Variants in ATP2C2 observed in about 807,000 individuals in gnomAD.
ATP2C2 encodes the protein ATPase secretory pathway Ca2+ transporting 2.
In ATP2C2, 171 loss-of-function variants were observed where a neutral mutation model predicts 110.8. The ratio of observed to expected loss-of-function variants is 1.54; its 90% CI spans 1.36 to 1.75. The LOEUF (loss-of-function observed/expected upper bound fraction) is 1.75. ATP2C2 is among the 40% of genes most tolerant of loss of function. The pLI is 0.00. For missense variants in ATP2C2, 1,963 were observed against 1,235.0 expected (o/e 1.59, Z -8.84); for synonymous variants, 804 against 508.4 (o/e 1.58, Z -7.82).
intron 21 of ATP2C2, among the ~76,000 whole-genome samples, chr16:84,455,563 C>A (rs1020032370): frequency 9.3e-6 from 1 of 107,550 alleles, no homozygotes; most frequent in Admixed American, 1.2e-4. Context: ...ATACATTTAC[C>A]TTCCTAATTT....
At chr16:84,378,772 C>G (rs1168630125) in intron 1 of ATP2C2, among the ~76,000 whole-genome samples, 2 of 152,192 alleles carry the variant, frequency 1.3e-5, no homozygotes, top group Non-Finnish European at 2.9e-5. Context: ...CTAAGAATCT[C>G]AAGAAGGCGG....
intron 20 of ATP2C2, 27 bp from the exon 21 acceptor site, chr16:84,454,791 G>A: frequency 6.4e-7 from 1 of 1,557,602 alleles, no homozygotes; most frequent in South Asian, 1.2e-5. Flanking sequence ...TCAGGCTGCA[G>A]GCCTTCATTG....
intron 1 of ATP2C2, among the ~76,000 whole-genome samples, chr16:84,392,212 C>A (rs1209838363): frequency 3.3e-5 from 5 of 152,076 alleles, no homozygotes; most frequent in African/African-American, 2.4e-5. Context: ...CTCAGGCTTC[C>A]TAGCATTTCA....
chr16:84,421,157 T>G (rs17741623), intron 7 of ATP2C2, among the ~76,000 whole-genome samples: 7 of 152,094 alleles, frequency 4.6e-5, no homozygotes, highest in African/African-American at 1.7e-4. Flanking sequence ...GAATGTTCTT[T>G]GAGCCTCCTT....
chr16:84,391,947 T>C (rs933263801), intron 1 of ATP2C2, among the ~76,000 whole-genome samples: 1 of 152,100 alleles, frequency 6.6e-6, no homozygotes, highest in African/African-American at 2.4e-5. Flanking sequence ...TAGGATTATA[T>C]TACGACGATT....
chr16:84,440,228 G>A (rs958623832), intron 13 of ATP2C2, among the ~76,000 whole-genome samples: 17 of 152,230 alleles, frequency 1.1e-4, no homozygotes, highest in South Asian at 2.1e-4. Context: ...TAACTTCTGG[G>A]CTCAAGGGAT....
intron 20 of ATP2C2, among the ~76,000 whole-genome samples, 177 bp downstream of exon 20, chr16:84,453,548 G>A (rs1274349093): frequency 6.6e-6 from 1 of 152,102 alleles, no homozygotes; most frequent in Non-Finnish European, 1.5e-5. Flanking sequence ...GAGGGGAGGA[G>A]GTTGAGCAGG....
At chr16:84,369,937 C>T (rs1909853764) in intron 1 of ATP2C2, among the ~76,000 whole-genome samples, 2 of 152,216 alleles carry the variant, frequency 1.3e-5, no homozygotes, top group African/African-American at 4.8e-5. Flanking sequence ...AATTAATTGG[C>T]TGTGATCCAT....
chr16:84,405,075 C>T (rs1157888292), intron 2 of ATP2C2, 53 bp from the exon 3 acceptor site: 2 of 1,455,008 alleles, frequency 1.4e-6, no homozygotes, highest in African/African-American at 2.8e-5. Flanking sequence ...TACCCTGTTG[C>T]CTCATTCCTT....
intron 11 of ATP2C2, among the ~76,000 whole-genome samples, chr16:84,427,839 G>T (rs1485441928): frequency 2.0e-5 from 3 of 152,148 alleles, no homozygotes; most frequent in African/African-American, 2.4e-5. Flanking sequence ...TCCTTCGGGG[G>T]TGAAGAAAAT....
intron 19 of ATP2C2, 34 bp downstream of exon 19, chr16:84,453,269 TG>T (rs765201234): frequency 6.2e-7 from 1 of 1,614,014 alleles, no homozygotes; most frequent in Admixed American, 1.7e-5. Context: ...GCAGTGGGGC[TG>T]GGTCACAGCT....
intron 2 of ATP2C2, 131 bp downstream of exon 2, chr16:84,398,740 T>C: frequency 2.8e-6 from 2 of 702,418 alleles, no homozygotes; most frequent in Admixed American, 3.2e-5. Context: ...TTGGAAAATA[T>C]TGTTGATGTT....
chr16:84,463,794 C>A lies in ATP2C2; in HGVS notation c.*62C>A. Reference sequence around the variant, plus strand: ...GATCTGGTTGTGACTGTGGCCCCTGCCGTGTCTCCTCGTCAGGGGAGACTT... The same window carrying A: ...GATCTGGTTGTGACTGTGGCCCCTGACGTGTCTCCTCGTCAGGGGAGACTT... On this transcript the variant is annotated 3_prime_UTR_variant, in exon 27 of 27. Coordinates refer to ENST00000262429, the MANE Select transcript of ATP2C2 (RefSeq NM_014861.4). The A allele has an allele frequency of 1.4e-6, 2 of 1,415,952 alleles. No homozygotes were observed. The highest frequency in any genetic ancestry group is 2.0e-6 in the Non-Finnish European group (2 of 1,002,178). 87.7% of individuals were successfully genotyped at this position (1,415,952 alleles called of 1,614,324 possible).
chr16:84,387,349 C>A (rs372401398), intron 1 of ATP2C2, among the ~76,000 whole-genome samples: 1 of 151,996 alleles, frequency 6.6e-6, no homozygotes, highest in Non-Finnish European at 1.5e-5. Context: ...TGGTGAAACC[C>A]GTCTCTACAA....
chr16:84,463,834 C>G lies in ATP2C2; in HGVS notation c.*102C>G, dbSNP rs1911652152. On this transcript the variant is annotated 3_prime_UTR_variant, in exon 27 of 27. Transcript: ENST00000262429. ...AGGGGAGACTTTTAGGAGGCCGCAG[C>G]CTTCCATCACCGGATCAGTTTTTCC... The G allele has an allele frequency of 1.5e-5, 15 of 1,014,068 alleles. No individual in the cohort carries two copies. Among genetic ancestry groups the G allele is most frequent in the East Asian group, 1.2e-4 (5 of 41,506 alleles). 62.8% of individuals were successfully genotyped at this position (1,014,068 alleles called of 1,614,324 possible). A position where few individuals can be genotyped will look rare whatever the true frequency, so the allele number is the denominator to read the frequency against.
At chr16:84,426,555 C>A (rs934923388) in intron 11 of ATP2C2, among the ~76,000 whole-genome samples, 2 of 152,118 alleles carry the variant, frequency 1.3e-5, no homozygotes, top group African/African-American at 4.8e-5. Flanking sequence ...GGTTCTGTGA[C>A]CTCCAGCAAG....
chr16:84,372,628 G>C (rs551328083), intron 1 of ATP2C2, among the ~76,000 whole-genome samples: 1 of 151,862 alleles, frequency 6.6e-6, no homozygotes, highest in South Asian at 2.1e-4. Flanking sequence ...GTTTCACCAT[G>C]TTGGCCAGGC....
At chr16:84,398,648 G>C (rs1282839193) in intron 2 of ATP2C2, 39 bp downstream of exon 2, 4 of 1,506,320 alleles carry the variant, frequency 2.7e-6, no homozygotes, top group Non-Finnish European at 2.7e-6. Flanking sequence ...ATTGTGATAA[G>C]GTTTTATGTT....
Position 84,459,401 on chromosome 16 carries a change from G to C in ATP2C2, c.2333+15G>C, listed in dbSNP as rs759399790. 4 of 1,612,062 alleles carry C rather than the reference G, an allele frequency of 2.5e-6. No individual in the cohort carries two copies. The South Asian group carries it at 4.4e-5, about 18-fold the overall frequency. On this transcript the variant is annotated intron_variant, in intron 23 of 26. Transcript: ENST00000262429. ...CCGGCGCAGAGGTGAGGCAGGGCCG[G>C]CTGGGAGCCCTGTGTCTCTTTACCC... is the stretch of plus-strand genomic sequence containing the variant.
Sources: gnomAD v4.1 joint callset for allele counts (sites outside exome capture counted in the v4.1 genomes callset) on GRCh38, gnomAD v4.1.1 for gene constraint, MANE v1.5 for transcripts, NCBI Gene and HGNC (gene_info 2026-07-23, HGNC 2026-07-21) for gene names.